KDM4A: variants seen among roughly 807,000 people sequenced by gnomAD.
The protein encoded by KDM4A is lysine-specific demethylase 4A.
KDM4A carries 23 observed loss-of-function variants against 127.1 expected under a neutral mutation model. The ratio of observed to expected loss-of-function variants is 0.18; its 90% CI spans 0.13 to 0.26. The LOEUF is 0.26. Among genes scored for constraint, KDM4A ranks in the 10% least tolerant of loss-of-function variants. The pLI is 1.00. For synonymous variants in KDM4A, 443 were observed against 466.5 expected (o/e 0.95, Z 0.65); for missense variants, 890 against 1,329.1 (o/e 0.67, Z 5.14).
At chr1:43,672,936 G>GT (rs1660658252) in intron 11 of KDM4A, among the ~76,000 whole-genome samples, 1 of 152,092 alleles carries the variant, frequency 6.6e-6, no homozygotes, top group Non-Finnish European at 1.5e-5. Flanking sequence ...AAATTCAAGG[G>GT]TTTTTTTCTT....
intron 5 of KDM4A, among the ~76,000 whole-genome samples, chr1:43,665,432 C>T (rs373565503): frequency 4.6e-5 from 7 of 151,660 alleles, no homozygotes; most frequent in East Asian, 3.9e-4. Flanking sequence ...TATTATGTAC[C>T]GTAAATCCTG....
chr1:43,661,813 C>T (rs953348765), intron 4 of KDM4A, among the ~76,000 whole-genome samples: 13 of 151,926 alleles, frequency 8.6e-5, no homozygotes, highest in Admixed American at 3.3e-4. Flanking sequence ...CATTACAACT[C>T]GGGAAAAGGA....
intron 18 of KDM4A, among the ~76,000 whole-genome samples, chr1:43,696,295 C>T (rs1416384514): frequency 4.6e-5 from 7 of 152,038 alleles, no homozygotes; most frequent in South Asian, 2.1e-4. Context: ...GAAGCCAGAC[C>T]GTAGTTGGGG....
At chr1:43,691,140 A>G in intron 14 of KDM4A, 91 bp downstream of exon 14, 3 of 1,307,852 alleles carry the variant, frequency 2.3e-6, no homozygotes, top group South Asian at 2.4e-5. Context: ...TCCCAGCCCC[A>G]AAAAGATTGT....
At chr1:43,679,607 G>A (rs1057096439) in intron 11 of KDM4A, among the ~76,000 whole-genome samples, 13 of 152,158 alleles carry the variant, frequency 8.5e-5, no homozygotes, top group Non-Finnish European at 1.6e-4. Flanking sequence ...CCTTTTTTAG[G>A]TCAGTCTGGT....
rs566419060 is a variant in KDM4A, at chr1:43,669,884, C to T, written c.1363+585C>T. The stretch of plus-strand genomic sequence containing the variant: ...GCCAGGCTGATCTTGAACTCCTGAC[C>T]TCAGGTGATCCGCCTGCCTCGGCCT... On this transcript the variant is annotated intron_variant, in intron 10 of 21. Coordinates refer to ENST00000372396, the MANE Select transcript of KDM4A (RefSeq NM_014663.3). Among the ~76,000 whole-genome samples the T allele has an allele frequency of 3.9e-5, 6 of 152,212 alleles. No homozygotes were observed. In the East Asian group the frequency reaches 9.7e-4, roughly 25 times the overall value.
At chr1:43,683,244 C>G (rs754898837) in intron 11 of KDM4A, among the ~76,000 whole-genome samples, 3 of 152,240 alleles carry the variant, frequency 2.0e-5, no homozygotes, top group Non-Finnish European at 4.4e-5. Flanking sequence ...CCCCTAGACA[C>G]TCCTGGGTGG....
Position 43,669,216 on chromosome 1 carries a change from T to C in KDM4A, c.1280T>C (p.Met427Thr), listed in dbSNP as rs143990622. 7.5e-3 allele frequency: 12,108 copies of C among 1,614,214 alleles called. 54 individuals carry two copies. Among genetic ancestry groups the C allele is most frequent in the Non-Finnish European group, 8.5e-3 (9,989 of 1,180,034 alleles). Residue 427 changes from methionine to threonine, a missense_variant, in exon 10 of 22, where the codon ATG becomes ACG. Coordinates refer to ENST00000372396, the MANE Select transcript of KDM4A (RefSeq NM_014663.3). ...GATCTGAGTTCTGAGCAGTATGAGA[T>C]GACGGAGTGCCCGGCAGCCCTCGCC... ...KEDLSSEQYEMTECPAALAPV... is the reference protein window; with the variant it reads ...KEDLSSEQYETTECPAALAPV...
intron 12 of KDM4A, among the ~76,000 whole-genome samples, chr1:43,684,523 T>C (rs993023350): frequency 1.1e-4 from 16 of 150,416 alleles, no homozygotes; most frequent in African/African-American, 3.4e-4. Flanking sequence ...AGAAGAGGTG[T>C]TACTCTGGGG....
intron 11 of KDM4A, among the ~76,000 whole-genome samples, chr1:43,677,712 G>C (rs992016985): frequency 1.3e-5 from 2 of 152,206 alleles, no homozygotes; most frequent in African/African-American, 2.4e-5. Flanking sequence ...TTTTGAGGGG[G>C]AGGAAGAAGG....
At chr1:43,655,964 G>C (rs566699816) in intron 3 of KDM4A, among the ~76,000 whole-genome samples, 198 bp downstream of exon 3, 1 of 152,250 alleles carries the variant, frequency 6.6e-6, no homozygotes, top group Admixed American at 6.5e-5. Flanking sequence ...ACCTGTTCCT[G>C]TTCTTATAAC....
Position 43,685,351 on chromosome 1 carries a change from C to T in KDM4A, c.1855+1547C>T, listed in dbSNP as rs1660948147. On this transcript the variant is annotated intron_variant, in intron 12 of 21. Coordinates refer to ENST00000372396, the MANE Select transcript of KDM4A (RefSeq NM_014663.3). ...GTTGGTGACTGGGCCCTGTCACCTT[C>T]AGGGAGAGCAGAGTCAATCGTACAT... Among the ~76,000 whole-genome samples, 4 of 152,168 alleles carry T rather than the reference C, an allele frequency of 2.6e-5. No individual in the cohort carries two copies. In the South Asian group the frequency reaches 6.2e-4, roughly 24 times the overall value.
Position 43,653,162 on chromosome 1 carries a change from A to G in KDM4A, c.-14A>G. ...ATTCCTGTCTGACTAAAGGGACCTC[A>G]AAAAGGAGGGAAAATGGCTTCTGAG... On this transcript the variant is annotated 5_prime_UTR_variant, in exon 2 of 22. Coordinates refer to ENST00000372396, the MANE Select transcript of KDM4A (RefSeq NM_014663.3). 3 of 1,607,324 alleles carry G rather than the reference A, an allele frequency of 1.9e-6. No homozygotes were observed. Among genetic ancestry groups the G allele is most frequent in the Non-Finnish European group, 2.6e-6 (3 of 1,176,446 alleles).
rs771307238 is a variant in KDM4A at position 43,704,277 on chromosome 1, G to A, written c.3102G>A (p.Glu1034=). 1 of 1,614,096 alleles carries A rather than the reference G, an allele frequency of 6.2e-7. No homozygotes were observed. Among genetic ancestry groups the A allele is most frequent in the South Asian group, 1.1e-5 (1 of 91,078 alleles). ...TCAATGAGATTTTCACAGAGAAAGA[G>A]GTTAAGCAAGAAAAGAAACGGCAAC... ...MRFNEIFTEK[E]VKQEKKRQRV... The change falls in exon 22 of 22, where the codon GAG becomes GAA. Residue 1034 remains glutamate, a synonymous_variant. Transcript: ENST00000372396.
At position 43,694,648 on chromosome 1, in the gene KDM4A, C is replaced by T; in HGVS notation, c.2485-61C>T. The T allele has an allele frequency of 6.8e-7, 1 of 1,468,344 alleles. No homozygotes were observed. Among genetic ancestry groups the T allele is most frequent in the Non-Finnish European group, 9.4e-7 (1 of 1,066,472 alleles). The allele number at this position is 1,468,344 out of a possible 1,614,324, so 91.0% of individuals were successfully genotyped here. On this transcript the variant is annotated intron_variant, in intron 17 of 21. Coordinates refer to ENST00000372396, the MANE Select transcript of KDM4A (RefSeq NM_014663.3). The surrounding 1 kb of genome is among the most constrained non-coding windows in gnomAD (Gnocchi z 5.2). ...CTTGGCTTTGCATTTGGGAGGGGAA[C>T]AACAGAGGAAGCTGCAGTGCCAGTT...
intron 2 of KDM4A, among the ~76,000 whole-genome samples, chr1:43,654,735 G>GTGTT (rs1660199730): frequency 1.4e-5 from 1 of 70,378 alleles, no homozygotes; most frequent in South Asian, 3.2e-4. Flanking sequence ...GTGTGTGTGT[G>GTGTT]TGTGTTGTTT....
chr1:43,699,360 C>G (rs921732057), intron 19 of KDM4A, among the ~76,000 whole-genome samples: 3 of 152,150 alleles, frequency 2.0e-5, no homozygotes, highest in Admixed American at 6.5e-5. Flanking sequence ...GGCCCCCAAA[C>G]CACTGGGATT....
In KDM4A at chr1:43,688,132, C is replaced by G. The variant is rs1661029782; in HGVS notation, c.1856-782C>G. 6.6e-6 allele frequency among the ~76,000 whole-genome samples: 1 copy of G among 151,962 alleles called. No individual in the cohort carries two copies. The highest frequency in any genetic ancestry group is 2.4e-5 in the African/African-American group (1 of 41,350). On this transcript the variant is annotated intron_variant, in intron 12 of 21. Coordinates refer to ENST00000372396, the MANE Select transcript of KDM4A (RefSeq NM_014663.3). The surrounding 1 kb of genome is among the most constrained non-coding windows in gnomAD (Gnocchi z 4.4). ...CTGTGATGGGAGGATCACTTGAGCC[C>G]AGGAGTTTGAGGCTGTGGTGAGCTA...
intron 14 of KDM4A, 62 bp from the exon 15 acceptor site, chr1:43,691,434 G>A: frequency 2.9e-6 from 4 of 1,366,088 alleles, no homozygotes; most frequent in Non-Finnish European, 4.2e-6. Flanking sequence ...GAAAGGAATT[G>A]CAAATCTACC....
Sources: allele counts gnomAD v4.1 joint callset (sites outside exome capture counted in the v4.1 genomes callset), GRCh38; gene constraint gnomAD v4.1.1; non-coding constraint Gnocchi (gnomAD v3.1); transcripts MANE v1.5; gene names NCBI Gene and HGNC (gene_info 2026-07-23, HGNC 2026-07-21).